The following PTH1R variants were observed in gnomAD, a reference collection of about 807,000 sequenced individuals.
The protein encoded by PTH1R is parathyroid hormone/parathyroid hormone-related peptide receptor.
In PTH1R, 32 loss-of-function variants were observed where a neutral mutation model predicts 70.7. That is an observed-to-expected ratio of 0.45 (90% CI 0.34 to 0.61). The LOEUF is 0.61. Ranked by LOEUF, PTH1R falls within the 20% of genes least tolerant of loss-of-function variation. PTH1R has a pLI of 0.01. For synonymous variants in PTH1R, 329 were observed against 324.8 expected (o/e 1.01, Z -0.14); for missense variants, 626 against 792.5 (o/e 0.79, Z 2.52).
rs2030792214 is a variant in PTH1R at position 46,883,428 on chromosome 3, CCGCCGGGA to C, written c.-48-76_-48-69del. The C allele has an allele frequency of 3.0e-6, 2 of 663,276 alleles. No homozygotes were observed. The highest frequency in any genetic ancestry group is 5.0e-5 in the Admixed American group (1 of 19,812). 41.1% of individuals were successfully genotyped at this position (663,276 alleles called of 1,614,324 possible). ...CCGCGCCGGGCCCCGGGGCCTCGGG[CCGCCGGGA>C]CGCCGGGGTCCCATAGGCCGGGGCG... On this transcript the variant is annotated intron_variant, in intron 2 of 15. Coordinates refer to ENST00000449590, the MANE Select transcript of PTH1R (RefSeq NM_000316.3). This position sits in a 1 kb window ranked among gnomAD's most constrained non-coding sequence, Gnocchi z 6.4.
In PTH1R at chr3:46,892,675, G is replaced by C; in HGVS notation, c.76-1232G>C. The C allele has an allele frequency of 4.8e-6, 4 of 829,190 alleles. No individual in the cohort carries two copies. The highest frequency in any genetic ancestry group is 1.8e-5 in the African/African-American group (1 of 54,444). The allele number at this position is 829,190 out of a possible 1,614,324, so 51.4% of individuals were successfully genotyped here. A position where few individuals can be genotyped will look rare whatever the true frequency, so the allele number is the denominator to read the frequency against. On this transcript the variant is annotated intron_variant, in intron 3 of 15. Coordinates refer to ENST00000449590, the MANE Select transcript of PTH1R (RefSeq NM_000316.3). This position sits in a 1 kb window ranked among gnomAD's most constrained non-coding sequence, Gnocchi z 5.2. Reference sequence around the variant, plus strand: ...TCTCGCCGGTGCCCGCCCCATGCCCGACCCGCCTTCTTCCTCCCCTGCCTC... The same window carrying C: ...TCTCGCCGGTGCCCGCCCCATGCCCCACCCGCCTTCTTCCTCCCCTGCCTC...
At position 46,897,941 on chromosome 3, in the gene PTH1R, T is replaced by C; in HGVS notation, c.400T>C (p.Tyr134His). 6.2e-7 allele frequency: 1 copy of C among 1,614,106 alleles called. No individual in the cohort carries two copies. Among genetic ancestry groups the C allele is most frequent in the Non-Finnish European group, 8.5e-7 (1 of 1,180,008 alleles). ...GEVVAVPCPD[Y>H]IYDFNHKGHA... Reference sequence around the variant, plus strand: ...GGTGGTGGCTGTGCCCTGTCCGGACTACATTTATGACTTCAATCACAAAGG... The same window carrying C: ...GGTGGTGGCTGTGCCCTGTCCGGACCACATTTATGACTTCAATCACAAAGG... The change falls in exon 6 of 16, where the codon TAC becomes CAC. Residue 134 changes from tyrosine to histidine, a missense_variant. Tyr to His is a moderately conservative substitution (Grantham distance 83, BLOSUM62 2). Transcript: ENST00000449590.
At position 46,901,475 on chromosome 3, in the gene PTH1R, A is replaced by C. The variant is rs202201553; in HGVS notation, c.1111A>C (p.Ile371Leu). The change falls in exon 12 of 16, where the codon ATT becomes CTT. Residue 371 changes from isoleucine (I) to leucine (L), a missense_variant. Physicochemically the swap from Ile to Leu is conservative, Grantham distance 5. Coordinates refer to ENST00000449590, the MANE Select transcript of PTH1R (RefSeq NM_000316.3). The surrounding 1 kb of genome is among the most constrained non-coding windows in gnomAD (Gnocchi z 7.3). ...WIIQVPILAS[I>L]VLNFILFINI... ...CATCCAGGTGCCCATCCTGGCCTCC[A>C]TTGTGGTGAGCAGGGGTGGGCTGCT... 1 of 1,564,122 alleles carries C rather than the reference A, an allele frequency of 6.4e-7. No homozygotes were observed. The highest frequency in any genetic ancestry group is 8.7e-7 in the Non-Finnish European group (1 of 1,153,136).
At chr3:46,881,758 G>C (rs1485345217) in intron 2 of PTH1R, among the ~76,000 whole-genome samples, 1 of 151,996 alleles carries the variant, frequency 6.6e-6, no homozygotes, top group Non-Finnish European at 1.5e-5. Context: ...CAGCCAAGCC[G>C]GGCTCGGGGC....
chr3:46,895,321 A>G lies in PTH1R; in HGVS notation c.179-414A>G, dbSNP rs1018924884. Among the ~76,000 whole-genome samples, 4 of 152,150 alleles carry G rather than the reference A, an allele frequency of 2.6e-5. No individual in the cohort carries two copies. In the East Asian group the frequency reaches 7.7e-4, roughly 29 times the overall value. Reference sequence around the variant, plus strand: ...ACTCAGGCCAGACTTAATTTTCGCTATGTAACCTGTCCATTGACATCACCC... The same window carrying G: ...ACTCAGGCCAGACTTAATTTTCGCTGTGTAACCTGTCCATTGACATCACCC... On this transcript the variant is annotated intron_variant, in intron 4 of 15. Transcript: ENST00000449590.
In PTH1R at chr3:46,902,619, G is replaced by C. The variant is rs142921504; in HGVS notation, c.1305G>C (p.Thr435=). 8.1e-6 allele frequency: 13 copies of C among 1,613,860 alleles called. No individual in the cohort carries two copies. The highest frequency in any genetic ancestry group is 3.3e-5 in the Admixed American group (2 of 60,000). The change falls in exon 14 of 16, where the codon ACG becomes ACC. Residue 435 remains threonine (T), a synonymous_variant. Coordinates refer to ENST00000449590, the MANE Select transcript of PTH1R (RefSeq NM_000316.3). This position sits in a 1 kb window ranked among gnomAD's most constrained non-coding sequence, Gnocchi z 5.4. Reference sequence around the variant, plus strand: ...CACCATACACCGAGGTCTCAGGGACGCTCTGGCAAGTCCAGATGCACTATG... The same window carrying C: ...CACCATACACCGAGGTCTCAGGGACCCTCTGGCAAGTCCAGATGCACTATG... ...MATPYTEVSG[T]LWQVQMHYEM...
At chr3:46,890,521 G>A (rs1407324316) in intron 3 of PTH1R, among the ~76,000 whole-genome samples, 1 of 30,870 alleles carries the variant, frequency 3.2e-5, no homozygotes, top group East Asian at 9.5e-4. Context: ...TTTTTTTTTT[G>A]AGATGGAGTT....
At position 46,890,590 on chromosome 3, in the gene PTH1R, G is replaced by A. The variant is rs181384329; in HGVS notation, c.76-3317G>A. Among the ~76,000 whole-genome samples, 8 of 134,608 alleles carry A rather than the reference G, an allele frequency of 5.9e-5. No homozygotes were observed. The South Asian group carries it at 1.0e-3, about 17-fold the overall frequency. 88.3% of individuals were successfully genotyped at this position (134,608 alleles called of 152,430 possible). A position where few individuals can be genotyped will look rare whatever the true frequency, so the allele number is the denominator to read the frequency against. ...GCGATCTCGGCTCACTGGAACCTCC[G>A]CTCCCAGGTTTGAGCGATTCTGCTG... On this transcript the variant is annotated intron_variant, in intron 3 of 15. Coordinates refer to ENST00000449590, the MANE Select transcript of PTH1R (RefSeq NM_000316.3).
intron 7 of PTH1R, 70 bp from the exon 8 acceptor site, chr3:46,898,308 C>G: frequency 6.3e-7 from 1 of 1,579,646 alleles, no homozygotes. Flanking sequence ...TTACCCTGGC[C>G]TCTTGCTCTT....
At chr3:46,885,233 T>G (rs2030938778) in intron 3 of PTH1R, among the ~76,000 whole-genome samples, 1 of 152,148 alleles carries the variant, frequency 6.6e-6, no homozygotes, top group South Asian at 2.1e-4. Flanking sequence ...AGTCCCTGTG[T>G]GAGTTCACGT....
rs1283887921 is a variant in PTH1R, at chr3:46,892,048, G to C, written c.76-1859G>C. ...CTTGGAGGCCCCTGGATCCTGGCAA[G>C]TCCAACTTGTCCTCCCTTAAGCCAT... is the stretch of plus-strand genomic sequence containing the variant. On this transcript the variant is annotated intron_variant, in intron 3 of 15. Coordinates refer to ENST00000449590, the MANE Select transcript of PTH1R (RefSeq NM_000316.3). This position sits in a 1 kb window ranked among gnomAD's most constrained non-coding sequence, Gnocchi z 5.2. Among the ~76,000 whole-genome samples, 1 of 152,124 alleles carries C rather than the reference G, an allele frequency of 6.6e-6. No homozygotes were observed. The highest frequency in any genetic ancestry group is 2.4e-5 in the African/African-American group (1 of 41,398).
intron 3 of PTH1R, among the ~76,000 whole-genome samples, chr3:46,886,421 G>A (rs1301537734): frequency 2.6e-5 from 4 of 152,090 alleles, no homozygotes; most frequent in East Asian, 1.9e-4. Context: ...GCAGTAGTGC[G>A]ATCTCGGCTC....
At position 46,883,502 on chromosome 3, in the gene PTH1R, C is replaced by A; in HGVS notation, c.-48-10C>A. 5 of 1,434,772 alleles carry A rather than the reference C, an allele frequency of 3.5e-6. 1 individual carries two copies. Among genetic ancestry groups the A allele is most frequent in the South Asian group, 2.9e-5 (2 of 69,420 alleles). 88.9% of individuals were successfully genotyped at this position (1,434,772 alleles called of 1,614,324 possible). On this transcript the variant is annotated splice_polypyrimidine_tract_variant and intron_variant, in intron 2 of 15. Transcript: ENST00000449590. This position sits in a 1 kb window ranked among gnomAD's most constrained non-coding sequence, Gnocchi z 6.4. ...GCCTGACGCAGCTCTGCACCCCCTACCACCACCAGGGCCGGCGGCGGCGGC... is the reference window on the plus strand; with the variant it reads ...GCCTGACGCAGCTCTGCACCCCCTAACACCACCAGGGCCGGCGGCGGCGGC...
chr3:46,900,623 G>C (rs552952538), intron 10 of PTH1R, among the ~76,000 whole-genome samples: 1 of 152,172 alleles, frequency 6.6e-6, no homozygotes, highest in African/African-American at 2.4e-5. Context: ...ACCAGGTTGT[G>C]GGGGGTGCTG....
chr3:46,890,496 CTTTTTTTTTTT>C (rs71619664), intron 3 of PTH1R, among the ~76,000 whole-genome samples: 1 of 72,368 alleles, frequency 1.4e-5, no homozygotes, highest in East Asian at 4.3e-4. Flanking sequence ...TTCACAGCAG[CTTTTTTTTTTT>C]TTTTTTTTTT....
Position 46,903,497 on chromosome 3 carries a change from G to A in PTH1R, c.1623G>A (p.Gly541=), listed in dbSNP as rs771524144. The change falls in exon 16 of 16, where the codon GGG becomes GGA. Residue 541 remains glycine, a synonymous_variant. Coordinates refer to ENST00000449590, the MANE Select transcript of PTH1R (RefSeq NM_000316.3). The surrounding 1 kb of genome is among the most constrained non-coding windows in gnomAD (Gnocchi z 4.4). ...AGCTGCCTGGCCATGCCAAGCCAGG[G>A]ACCCCAGCCCTGGAGACCCTCGAGA... ...HPQLPGHAKP[G]TPALETLETT... is the part of the protein sequence containing the mutation. 1.2e-6 allele frequency: 2 copies of A among 1,613,884 alleles called. No homozygotes were observed. Among genetic ancestry groups the A allele is most frequent in the Admixed American group, 1.7e-5 (1 of 60,030 alleles).
intron 3 of PTH1R, among the ~76,000 whole-genome samples, chr3:46,890,812 T>C (rs2031372616): frequency 6.6e-6 from 1 of 152,192 alleles, no homozygotes; most frequent in African/African-American, 2.4e-5. Flanking sequence ...ACAACAGCCC[T>C]ATTATTACCC....
intron 1 of PTH1R, 135 bp from the exon 2 acceptor site, chr3:46,880,927 C>G (rs2030517728): frequency 6.6e-6 from 1 of 152,140 alleles, no homozygotes; most frequent in Admixed American, 6.5e-5. Flanking sequence ...TTGCAGGCTC[C>G]GAGGAGCTCA....
At position 46,884,902 on chromosome 3, in the gene PTH1R, C is replaced by T. The variant is rs2030916054; in HGVS notation, c.75+1268C>T. On this transcript the variant is annotated intron_variant, in intron 3 of 15. Transcript: ENST00000449590. The surrounding 1 kb of genome is among the most constrained non-coding windows in gnomAD (Gnocchi z 4.8). ...TTCCTCTGAGGTCCTCAGCACTTCCCACTTACCTGTGCCTACACCCTCACA... is the reference window on the plus strand; with the variant it reads ...TTCCTCTGAGGTCCTCAGCACTTCCTACTTACCTGTGCCTACACCCTCACA... 6.6e-6 allele frequency among the ~76,000 whole-genome samples: 1 copy of T among 152,238 alleles called. No homozygotes were observed. The highest frequency in any genetic ancestry group is 1.5e-5 in the Non-Finnish European group (1 of 68,050).
Sources: allele counts gnomAD v4.1 joint callset (sites outside exome capture counted in the v4.1 genomes callset), GRCh38; gene constraint gnomAD v4.1.1; non-coding constraint Gnocchi (gnomAD v3.1); transcripts MANE v1.5; gene names NCBI Gene and HGNC (gene_info 2026-07-23, HGNC 2026-07-21).